CUX1: variants seen among roughly 807,000 people sequenced by gnomAD.
CUX1 encodes protein CASP.
In CUX1, 31 loss-of-function variants were observed where a neutral mutation model predicts 158.8. That is an observed-to-expected ratio of 0.20 (90% CI 0.15 to 0.26). The LOEUF (loss-of-function observed/expected upper bound fraction) is 0.26, where lower values mean the gene tolerates loss of function less well. Ranked by LOEUF, CUX1 falls within the 10% of genes least tolerant of loss-of-function variation. The probability of loss-of-function intolerance (pLI) is 1.00; values close to 1 mark genes in which losing one functional copy is unlikely to be tolerated. For synonymous variants in CUX1, 879 were observed against 862.1 expected (o/e 1.02, Z -0.34); for missense variants, 1,589 against 2,014.6 (o/e 0.79, Z 4.04).
chr7:102,030,814 C>A (rs1037817139), intron 3 of CUX1, among the ~76,000 whole-genome samples: 1 of 150,632 alleles, frequency 6.6e-6, no homozygotes, highest in Non-Finnish European at 1.5e-5. Context: ...CACTCCCCTG[C>A]CCCCACCGCC....
intron 8 of CUX1, among the ~76,000 whole-genome samples, chr7:102,133,467 CTTTTTTTTTTT>C (rs11266929): frequency 1.1e-5 from 1 of 90,576 alleles, no homozygotes; most frequent in East Asian, 2.5e-4. Flanking sequence ...AAAAATACAT[CTTTTTTTTTTT>C]TTTTTTTTTT....
At chr7:101,886,660 A>G (rs977441651) in intron 1 of CUX1, among the ~76,000 whole-genome samples, 1 of 152,246 alleles carries the variant, frequency 6.6e-6, no homozygotes, top group Non-Finnish European at 1.5e-5. Flanking sequence ...CGTGCACTGC[A>G]TGCCTGGATA....
At chr7:102,046,933 C>T (rs1192291587) in intron 3 of CUX1, among the ~76,000 whole-genome samples, 1 of 152,162 alleles carries the variant, frequency 6.6e-6, no homozygotes, top group Admixed American at 6.5e-5. Flanking sequence ...GGAGGCCACA[C>T]TGGGAGAGTC....
intron 18 of CUX1, among the ~76,000 whole-genome samples, chr7:102,279,340 C>G (rs542924403): frequency 6.6e-6 from 1 of 152,204 alleles, no homozygotes; most frequent in East Asian, 1.9e-4. Context: ...AACTCTGTCT[C>G]AAATAAATAA....
chr7:101,883,195 TTGA>T (rs1799892215), intron 1 of CUX1, among the ~76,000 whole-genome samples: 1 of 152,174 alleles, frequency 6.6e-6, no homozygotes, highest in African/African-American at 2.4e-5. Context: ...CTCATGTACC[TTGA>T]TGATTATTAT....
intron 11 of CUX1, among the ~76,000 whole-genome samples, chr7:102,180,919 G>T (rs113387941): frequency 0.075 from 3,843 of 51,484 alleles, 114 homozygotes; most frequent in Middle Eastern, 0.15. Flanking sequence ...TTATTTTATT[G>T]TATTTTATTT....
intron 2 of CUX1, among the ~76,000 whole-genome samples, chr7:102,009,177 T>C (rs1445428569): frequency 6.6e-6 from 1 of 152,186 alleles, no homozygotes. Flanking sequence ...TCAGGTGCAA[T>C]GTATAACCTC....
intron 20 of CUX1, among the ~76,000 whole-genome samples, chr7:102,216,181 A>G (rs1190636371): frequency 6.6e-6 from 1 of 152,088 alleles, no homozygotes; most frequent in Non-Finnish European, 1.5e-5. Flanking sequence ...GTGTGCATCT[A>G]TAATCTATAG....
rs568836981 is a variant in CUX1 at position 102,088,811 on chromosome 7, T to A, written c.269-8553T>A. Among the ~76,000 whole-genome samples the A allele has an allele frequency of 4.6e-5, 7 of 152,278 alleles. No individual in the cohort carries two copies. In the South Asian group the frequency reaches 1.2e-3, roughly 27 times the overall value. On this transcript the variant is annotated intron_variant, in intron 4 of 23. Coordinates refer to ENST00000292535, the MANE Select transcript of CUX1 (RefSeq NM_181552.4). ...ACCATTTAAGATTTTCCTTTTCTAATTTTGATTTCAGAAACTCTCTTACGC... is the reference window on the plus strand; with the variant it reads ...ACCATTTAAGATTTTCCTTTTCTAAATTTGATTTCAGAAACTCTCTTACGC...
At chr7:102,069,657 A>C (rs1485480200) in intron 3 of CUX1, among the ~76,000 whole-genome samples, 1 of 152,156 alleles carries the variant, frequency 6.6e-6, no homozygotes, top group African/African-American at 2.4e-5. Context: ...GCTGAGGGCA[A>C]GAATCGCTTG....
chr7:101,902,989 T>C (rs1299513893), intron 1 of CUX1, among the ~76,000 whole-genome samples: 1 of 152,158 alleles, frequency 6.6e-6, no homozygotes, highest in Non-Finnish European at 1.5e-5. Context: ...ATGCTAAGTA[T>C]AAAAAGAATA....
downstream of CUX1, among the ~76,000 whole-genome samples, chr7:102,258,688 CA>C (rs1179149651): frequency 6.6e-6 from 1 of 152,216 alleles, no homozygotes; most frequent in Non-Finnish European, 1.5e-5. Context: ...CTTGGGCGAC[CA>C]GGACTACGGC....
chr7:101,999,882 G>T (rs755512416), intron 2 of CUX1, among the ~76,000 whole-genome samples: 1 of 151,916 alleles, frequency 6.6e-6, no homozygotes, highest in Non-Finnish European at 1.5e-5. Flanking sequence ...AGTGGCATGC[G>T]TGCGTGTGTG....
At position 101,860,268 on chromosome 7, in the gene CUX1, C is replaced by T. The variant is rs10268871; in HGVS notation, c.30+42599C>T. The stretch of plus-strand genomic sequence containing the variant: ...TGAGAATAATGAACCCTGTGTGCTG[C>T]CCCCAGCATGATCAGTTCCAAACTA... On this transcript the variant is annotated intron_variant, in intron 1 of 23. Coordinates refer to ENST00000292535, the MANE Select transcript of CUX1 (RefSeq NM_181552.4). Among the ~76,000 whole-genome samples the T allele has an allele frequency of 1.0e-3, 155 of 152,290 alleles. 1 individual carries two copies. Among genetic ancestry groups the T allele is most frequent in the African/African-American group, 3.7e-3 (154 of 41,552 alleles).
chr7:102,008,338 T>C (rs1479656356), intron 2 of CUX1, among the ~76,000 whole-genome samples: 1 of 152,086 alleles, frequency 6.6e-6, no homozygotes, highest in East Asian at 1.9e-4. Flanking sequence ...GTTTGTATCT[T>C]GTCTCTTTCT....
In CUX1 at chr7:101,893,041, C is replaced by A. The variant is rs531785831; in HGVS notation, c.31-23074C>A. Among the ~76,000 whole-genome samples the A allele has an allele frequency of 3.3e-5, 5 of 151,836 alleles. No individual in the cohort carries two copies. The South Asian group carries it at 6.2e-4, about 19-fold the overall frequency. The stretch of plus-strand genomic sequence containing the variant: ...ATACCGTCTTCTTGTATTTGGGGGG[C>A]AGGCTGTACATTTTATAACTCACTA... On this transcript the variant is annotated intron_variant, in intron 1 of 23. Coordinates refer to ENST00000292535, the MANE Select transcript of CUX1 (RefSeq NM_181552.4).
At chr7:101,928,780 C>T (rs562010414) in intron 2 of CUX1, among the ~76,000 whole-genome samples, 44 of 151,360 alleles carry the variant, frequency 2.9e-4, no homozygotes, top group African/African-American at 9.4e-4. Context: ...ATGCCATTCT[C>T]CTGCCTCAGC....
chr7:102,112,287 G>A lies in CUX1; in HGVS notation c.607+513G>A, dbSNP rs563110857. Among the ~76,000 whole-genome samples, 74 of 146,164 alleles carry A rather than the reference G, an allele frequency of 5.1e-4. 1 individual carries two copies. Among genetic ancestry groups the A allele is most frequent in the South Asian group, 3.4e-3 (16 of 4,650 alleles). ...GACGGAGTCTCGCTCTGTCACCCAG[G>A]CTGGAGTGCAGTGGCACGATCTTGA... On this transcript the variant is annotated intron_variant, in intron 7 of 23. Transcript: ENST00000292535.
intron 21 of CUX1, among the ~76,000 whole-genome samples, chr7:102,229,935 A>AT (rs1412822553): frequency 4.1e-4 from 62 of 152,216 alleles, no homozygotes; most frequent in Admixed American, 9.2e-4. Flanking sequence ...CTATTTTGTC[A>AT]TTTTAAACCA....
Sources: gnomAD v4.1 joint callset for allele counts (sites outside exome capture counted in the v4.1 genomes callset) on GRCh38, gnomAD v4.1.1 for gene constraint, MANE v1.5 for transcripts, NCBI Gene and HGNC (gene_info 2026-07-23, HGNC 2026-07-21) for gene names.